RPS6KA5: variants seen among roughly 807,000 people sequenced by gnomAD.
RPS6KA5 encodes ribosomal protein S6 kinase alpha-5.
RPS6KA5 carries 27 observed loss-of-function variants against 85.5 expected under a neutral mutation model. The observed-to-expected ratio is 0.32, with a 90% CI of 0.23 to 0.44. The LOEUF is 0.44. Ranked by LOEUF, RPS6KA5 falls within the 20% of genes least tolerant of loss-of-function variation. The pLI, the probability that RPS6KA5 is intolerant of heterozygous loss-of-function variation, is 1.00. For missense variants in RPS6KA5, 811 were observed against 980.9 expected (o/e 0.83, Z 2.31); for synonymous variants, 334 against 348.2 (o/e 0.96, Z 0.46).
Position 90,889,128 on chromosome 14 carries a change from T to C in RPS6KA5, c.1836+1359A>G, listed in dbSNP as rs142258880. On this transcript the variant is annotated intron_variant, in intron 14 of 16. Coordinates refer to ENST00000614987, the MANE Select transcript of RPS6KA5 (RefSeq NM_004755.4). ...GACCAACATGGTAAAACCTCGTCTC[T>C]ACTAAAAATACAAAAATTAGCCAGG... 1.6e-3 allele frequency among the ~76,000 whole-genome samples: 248 copies of C among 152,106 alleles called. 2 individuals carry two copies. Among genetic ancestry groups the C allele is most frequent in the African/African-American group, 5.8e-3 (239 of 41,524 alleles).
intron 5 of RPS6KA5, among the ~76,000 whole-genome samples, chr14:90,926,723 T>A (rs899086976): frequency 6.6e-6 from 1 of 150,490 alleles, no homozygotes; most frequent in African/African-American, 2.5e-5. Flanking sequence ...CATTCCTAGA[T>A]CTATTTATAC....
intron 5 of RPS6KA5, among the ~76,000 whole-genome samples, chr14:90,934,698 A>G (rs2037168382): frequency 6.6e-6 from 1 of 152,202 alleles, no homozygotes; most frequent in African/African-American, 2.4e-5. Context: ...TAGTAGATCC[A>G]AAAATTTCTG....
chr14:90,994,561 ATTTTTTTTTTTTTTTTT>A (rs935828871), intron 2 of RPS6KA5, among the ~76,000 whole-genome samples: 10 of 61,922 alleles, frequency 1.6e-4, no homozygotes, highest in Non-Finnish European at 2.0e-4. Context: ...GATGTTTGTG[ATTTTTTTTTTTTTTTTT>A]TTTTTTTTTT....
chr14:90,976,826 T>C (rs928896283), intron 3 of RPS6KA5, among the ~76,000 whole-genome samples: 2 of 152,156 alleles, frequency 1.3e-5, no homozygotes, highest in African/African-American at 2.4e-5. Flanking sequence ...AAAATGAGCA[T>C]GAAGTGTAAC....
At chr14:90,951,864 A>T (rs1211122727) in intron 3 of RPS6KA5, among the ~76,000 whole-genome samples, 2 of 152,140 alleles carry the variant, frequency 1.3e-5, no homozygotes, top group Non-Finnish European at 2.9e-5. Context: ...CCATGTCCGG[A>T]CTGCGAGTAT....
At chr14:91,029,546 T>C (rs1012734154) in intron 1 of RPS6KA5, among the ~76,000 whole-genome samples, 3 of 152,196 alleles carry the variant, frequency 2.0e-5, no homozygotes, top group Non-Finnish European at 4.4e-5. Context: ...AGAGTCTCAT[T>C]GCATAGGACC....
intron 1 of RPS6KA5, among the ~76,000 whole-genome samples, chr14:91,009,335 C>T (rs1277217650): frequency 6.6e-6 from 1 of 152,236 alleles, no homozygotes; most frequent in Non-Finnish European, 1.5e-5. Context: ...AGAGAGCCCT[C>T]ACCAGACACT....
At chr14:90,994,467 A>G (rs1408021623) in intron 2 of RPS6KA5, among the ~76,000 whole-genome samples, 1 of 150,660 alleles carries the variant, frequency 6.6e-6, no homozygotes, top group African/African-American at 2.4e-5. Flanking sequence ...TATATTTTAT[A>G]TCTAATAATT....
intron 3 of RPS6KA5, among the ~76,000 whole-genome samples, chr14:90,976,535 G>A (rs2039577539): frequency 6.6e-6 from 1 of 152,120 alleles, no homozygotes; most frequent in Non-Finnish European, 1.5e-5. Context: ...GTTCATTTGA[G>A]GGAAGGGTCC....
chr14:91,060,316 G>A lies in RPS6KA5; in HGVS notation c.103+16C>T. ...CCCCGCGCCGGGCCCGGCCGGCAGA[G>A]GGCGGGGTCGCTCACCAGTCCGCAG... is the stretch of plus-strand genomic sequence containing the variant. On this transcript the variant is annotated intron_variant, in intron 1 of 16. Coordinates refer to ENST00000614987, the MANE Select transcript of RPS6KA5 (RefSeq NM_004755.4). The A allele has an allele frequency of 1.5e-6, 2 of 1,296,960 alleles. No homozygotes were observed. Among genetic ancestry groups the A allele is most frequent in the Non-Finnish European group, 2.0e-6 (2 of 1,017,176 alleles). The allele number at this position is 1,296,960 out of a possible 1,614,324, so 80.3% of individuals were successfully genotyped here. A position where few individuals can be genotyped will look rare whatever the true frequency, so the allele number is the denominator to read the frequency against.
intron 1 of RPS6KA5, among the ~76,000 whole-genome samples, chr14:91,044,376 GGAAAGAAAGAAAGAAGGAAA>G (rs1459364299): frequency 0.012 from 133 of 11,426 alleles, no homozygotes; most frequent in African/African-American, 0.026. Context: ...AAAGAAAGAA[GGAAAGAAAGAAAGAAGGAAA>G]GAAAGAAAGA....
intron 5 of RPS6KA5, among the ~76,000 whole-genome samples, chr14:90,932,162 C>T (rs938085187): frequency 6.6e-6 from 1 of 152,168 alleles, no homozygotes; most frequent in African/African-American, 2.4e-5. Context: ...CTCATTCTGT[C>T]ACCCAGGCTG....
chr14:91,019,095 G>A (rs190864939), intron 1 of RPS6KA5, among the ~76,000 whole-genome samples: 12 of 152,092 alleles, frequency 7.9e-5, no homozygotes, highest in Middle Eastern at 3.4e-3. Flanking sequence ...GATTTATGTC[G>A]GTGTTTTCAC....
intron 5 of RPS6KA5, among the ~76,000 whole-genome samples, chr14:90,925,896 C>T (rs555604824): frequency 4.6e-4 from 60 of 129,960 alleles, no homozygotes; most frequent in African/African-American, 1.6e-3. Context: ...GAGCCATGAT[C>T]GCACCACTGC....
At chr14:90,873,481 G>T in intron 16 of RPS6KA5, 151 bp downstream of exon 16, 1 of 703,122 alleles carries the variant, frequency 1.4e-6, no homozygotes, top group Non-Finnish European at 2.2e-6. Context: ...TTATAACCAT[G>T]AAGCAATTTA....
chr14:90,982,043 T>C (rs1323723569), intron 2 of RPS6KA5, among the ~76,000 whole-genome samples: 1 of 152,248 alleles, frequency 6.6e-6, no homozygotes, highest in Non-Finnish European at 1.5e-5. Flanking sequence ...GTCCTTCTGT[T>C]GAATAATGCT....
intron 7 of RPS6KA5, 62 bp downstream of exon 7, chr14:90,920,144 G>T: frequency 1.9e-6 from 2 of 1,051,904 alleles, no homozygotes; most frequent in Non-Finnish European, 3.0e-6. Context: ...CAGCCTAACC[G>T]CAGAAATGTG....
chr14:90,888,065 C>CT (rs376459214), intron 14 of RPS6KA5, among the ~76,000 whole-genome samples: 3,472 of 150,986 alleles, frequency 0.023, 31 homozygotes, highest in South Asian at 0.038. Flanking sequence ...CTCAGTTTAC[C>CT]TTTTTTTACC....
intron 12 of RPS6KA5, 31 bp from the exon 13 acceptor site, chr14:90,894,614 C>G (rs757522995): frequency 6.2e-7 from 1 of 1,605,184 alleles, no homozygotes. Flanking sequence ...CGTGGAGGGC[C>G]TTCCTGAAGC....
Sources: gnomAD v4.1 joint callset for allele counts (sites outside exome capture counted in the v4.1 genomes callset) on GRCh38, gnomAD v4.1.1 for gene constraint, MANE v1.5 for transcripts, NCBI Gene and HGNC (gene_info 2026-07-23, HGNC 2026-07-21) for gene names.